AJAP1: variants seen among roughly 807,000 people sequenced by gnomAD.
AJAP1 encodes the protein adherens junctions associated protein 1, also known as adherens junction-associated protein 1.
Under a neutral mutation model 35.0 loss-of-function variants are expected in AJAP1, and 5 were observed. That is an observed-to-expected ratio of 0.14 (90% confidence interval 0.07 to 0.30). AJAP1 has a LOEUF of 0.30. Ranked by LOEUF, AJAP1 falls within the 10% of genes least tolerant of loss-of-function variation. The pLI is 1.00. For missense variants in AJAP1, 586 were observed against 571.0 expected, an observed-to-expected ratio of 1.03 and a Z score of -0.27; for synonymous variants, 284 against 249.3, an observed-to-expected ratio of 1.14 and a Z score of -1.31.
intron 1 of AJAP1, among the ~76,000 whole-genome samples, chr1:4,689,556 G>A (rs549139975): frequency 4.8e-4 from 73 of 152,340 alleles, no homozygotes; most frequent in Admixed American, 1.2e-3. Flanking sequence ...GCCAGACAAG[G>A]TGCAGGATGG....
In AJAP1 at chr1:4,787,731, G is replaced by A. The variant is rs1342021911; in HGVS notation, c.*5246G>A. The stretch of plus-strand genomic sequence containing the variant: ...GGTTGCCAGGCCAAGCAGGTCTCAG[G>A]TCAGCCAGGTCTCAAGGAGGATAAG... On this transcript the variant is annotated 3_prime_UTR_variant, in exon 6 of 6. Coordinates refer to ENST00000378191, the MANE Select transcript of AJAP1 (RefSeq NM_018836.4). The A allele has an allele frequency of 6.6e-6, 3 of 456,152 alleles. No homozygotes were observed. The highest frequency in any genetic ancestry group is 3.1e-5 in the South Asian group (2 of 64,534). The allele number at this position is 456,152 out of a possible 1,614,324, so 28.3% of individuals were successfully genotyped here.
chr1:4,682,589 T>G (rs1472025614), intron 1 of AJAP1, among the ~76,000 whole-genome samples: 1 of 152,210 alleles, frequency 6.6e-6, no homozygotes, highest in African/African-American at 2.4e-5. Context: ...CTGCATGGTG[T>G]GGTTCCTGTA....
Position 4,728,578 on chromosome 1 carries a change from C to T in AJAP1, c.829+15879C>T, listed in dbSNP as rs780888414. On this transcript the variant is annotated intron_variant, in intron 2 of 5. Transcript: ENST00000378191. ...GTCGCCGTGGGGGCCTGGCCTGCTCCAGAGTGGGCTGTGTCCGTGGGAGCA... is the reference window on the plus strand; with the variant it reads ...GTCGCCGTGGGGGCCTGGCCTGCTCTAGAGTGGGCTGTGTCCGTGGGAGCA... Among the ~76,000 whole-genome samples, 4 of 152,176 alleles carry T rather than the reference C, an allele frequency of 2.6e-5. No homozygotes were observed. In the South Asian group the frequency reaches 6.2e-4, roughly 24 times the overall value.
chr1:4,696,322 G>A (rs1286460308), intron 1 of AJAP1, among the ~76,000 whole-genome samples: 1 of 152,204 alleles, frequency 6.6e-6, no homozygotes, highest in Non-Finnish European at 1.5e-5. Context: ...TTTAACAGGT[G>A]TCAGGACAAG....
chr1:4,775,776 G>A (rs1462003759), intron 5 of AJAP1, among the ~76,000 whole-genome samples: 2 of 152,244 alleles, frequency 1.3e-5, no homozygotes, highest in Non-Finnish European at 2.9e-5. Flanking sequence ...GGCCTTTGCT[G>A]CAGCAGGTAA....
chr1:4,786,075 A>G lies in AJAP1; in HGVS notation c.*3590A>G, dbSNP rs1642156871. 5 of 152,220 alleles carry G rather than the reference A, an allele frequency of 3.3e-5. No individual in the cohort carries two copies. The South Asian group carries it at 1.0e-3, about 32-fold the overall frequency. The allele number at this position is 152,220 out of a possible 1,614,324, so 9.4% of individuals were successfully genotyped here. On this transcript the variant is annotated 3_prime_UTR_variant, in exon 6 of 6. Transcript: ENST00000378191. ...GTGAGAAAGGCAGGGTTCTCCAGGC[A>G]TGGTCAGGGAGCTTCCCCACCGTTT...
rs1638849212 is a variant in AJAP1, at chr1:4,655,211, G to A, written c.-215G>A. 6.5e-6 allele frequency: 1 copy of A among 154,680 alleles called. No individual in the cohort carries two copies. The highest frequency in any genetic ancestry group is 6.7e-5 in the Admixed American group (1 of 14,822). The allele number at this position is 154,680 out of a possible 1,614,324, so 9.6% of individuals were successfully genotyped here. A position where few individuals can be genotyped will look rare whatever the true frequency, so the allele number is the denominator to read the frequency against. On this transcript the variant is annotated 5_prime_UTR_variant, in exon 1 of 6. It removes the in-frame stop codon of an upstream open reading frame in the 5' UTR. Transcript: ENST00000378191. The surrounding 1 kb of genome is among the most constrained non-coding windows in gnomAD (Gnocchi z 6.9). ...TGCGCCCCCGCGGGCCGCCCAGCCTGAGCCATGCGCCCCAACGGCGGCGGC... is the reference window on the plus strand; with the variant it reads ...TGCGCCCCCGCGGGCCGCCCAGCCTAAGCCATGCGCCCCAACGGCGGCGGC...
intron 1 of AJAP1, among the ~76,000 whole-genome samples, chr1:4,669,645 A>G (rs1352491641): frequency 6.6e-6 from 1 of 152,246 alleles, no homozygotes; most frequent in Non-Finnish European, 1.5e-5. Flanking sequence ...GGATGGGGAC[A>G]CAGCCAAACC....
At chr1:4,731,810 T>A (rs2100299747) in intron 2 of AJAP1, among the ~76,000 whole-genome samples, 1 of 152,300 alleles carries the variant, frequency 6.6e-6, no homozygotes, top group South Asian at 2.1e-4. Context: ...CAAACTCAGC[T>A]CCTGAAAGAA....
At chr1:4,770,897 A>C (rs1641819397) in intron 3 of AJAP1, among the ~76,000 whole-genome samples, 1 of 152,128 alleles carries the variant, frequency 6.6e-6, no homozygotes, top group Non-Finnish European at 1.5e-5. Flanking sequence ...TAGGTAGCAA[A>C]CTGGGACCCC....
intron 4 of AJAP1, among the ~76,000 whole-genome samples, chr1:4,774,094 C>T (rs1641894647): frequency 6.6e-6 from 1 of 152,246 alleles, no homozygotes; most frequent in African/African-American, 2.4e-5. Flanking sequence ...CCATCAGAGG[C>T]AGAGACCCCA....
In AJAP1 at chr1:4,789,284, G is replaced by A. The variant is rs974556269; in HGVS notation, c.*6799G>A. 6.6e-6 allele frequency: 1 copy of A among 152,236 alleles called. No homozygotes were observed. Among genetic ancestry groups the A allele is most frequent in the African/African-American group, 2.4e-5 (1 of 41,466 alleles). 9.4% of individuals were successfully genotyped at this position (152,236 alleles called of 1,614,324 possible). A position where few individuals can be genotyped will look rare whatever the true frequency, so the allele number is the denominator to read the frequency against. ...CTGTAGATAACAGTCAATTAAATGGGTTAATGTTCTAAGCCAAGAGAGTTC... is the reference window on the plus strand; with the variant it reads ...CTGTAGATAACAGTCAATTAAATGGATTAATGTTCTAAGCCAAGAGAGTTC... On this transcript the variant is annotated 3_prime_UTR_variant, in exon 6 of 6. Transcript: ENST00000378191. The surrounding 1 kb of genome is among the most constrained non-coding windows in gnomAD (Gnocchi z 4.4).
intron 2 of AJAP1, among the ~76,000 whole-genome samples, chr1:4,768,685 T>G (rs1232603269): frequency 6.6e-6 from 1 of 152,114 alleles, no homozygotes; most frequent in African/African-American, 2.4e-5. Context: ...GGATCTCAGG[T>G]GGAAGGACAT....
intron 1 of AJAP1, among the ~76,000 whole-genome samples, chr1:4,691,015 G>T (rs1268602181): frequency 6.6e-6 from 1 of 152,222 alleles, no homozygotes; most frequent in Non-Finnish European, 1.5e-5. Context: ...TGAAGCCAGG[G>T]GTGCCAGGCT....
chr1:4,738,671 G>A (rs1270731350), intron 2 of AJAP1, among the ~76,000 whole-genome samples: 1 of 152,208 alleles, frequency 6.6e-6, no homozygotes, highest in Non-Finnish European at 1.5e-5. Context: ...GGTTTGAGCT[G>A]GGAAGCAGGA....
At chr1:4,736,342 T>C (rs1331610110) in intron 2 of AJAP1, among the ~76,000 whole-genome samples, 1 of 152,220 alleles carries the variant, frequency 6.6e-6, no homozygotes, top group Non-Finnish European at 1.5e-5. Flanking sequence ...TCCCTTGGCC[T>C]CCTGTTGCCC....
intron 1 of AJAP1, among the ~76,000 whole-genome samples, chr1:4,662,141 A>G (rs986968159): frequency 1.3e-5 from 2 of 152,134 alleles, no homozygotes; most frequent in African/African-American, 4.8e-5. Flanking sequence ...TATATGGTTC[A>G]TTGATTTTTA....
chr1:4,748,270 G>A (rs1641238470), intron 2 of AJAP1, among the ~76,000 whole-genome samples: 1 of 152,146 alleles, frequency 6.6e-6, no homozygotes, highest in Admixed American at 6.5e-5. Flanking sequence ...GCTGTGTGGG[G>A]TGCATCACGT....
At chr1:4,696,013 A>G (rs1639851085) in intron 1 of AJAP1, among the ~76,000 whole-genome samples, 1 of 152,134 alleles carries the variant, frequency 6.6e-6, no homozygotes, top group African/African-American at 2.4e-5. Flanking sequence ...AACTTTCTAG[A>G]TAATCACAGT....
Sources: allele counts gnomAD v4.1 joint callset (sites outside exome capture counted in the v4.1 genomes callset), GRCh38; gene constraint gnomAD v4.1.1; non-coding constraint Gnocchi (gnomAD v3.1); transcripts MANE v1.5; gene names NCBI Gene and HGNC (gene_info 2026-07-23, HGNC 2026-07-21).